SFXN3: variants seen among roughly 807,000 people sequenced by gnomAD.
SFXN3 encodes sideroflexin-3.
SFXN3 carries 31 observed loss-of-function variants against 40.4 expected under a neutral mutation model. The observed-to-expected ratio is 0.77, with a 90% CI of 0.58 to 1.04. SFXN3 has a LOEUF of 1.04. Ranked by LOEUF, SFXN3 falls within the 50% of genes least tolerant of loss-of-function variation. The pLI, the probability that SFXN3 is intolerant of heterozygous loss-of-function variation, is 0.00. For synonymous variants in SFXN3, 157 were observed against 160.0 expected, an observed-to-expected ratio of 0.98 and a Z score of 0.14; for missense variants, 366 against 408.2, an observed-to-expected ratio of 0.90 and a Z score of 0.89.
At chr10:101,038,373 A>T in intron 9 of SFXN3, 1 of 1,374,648 alleles carries the variant, frequency 7.3e-7, no homozygotes, top group Non-Finnish European at 9.4e-7. Context: ...TGAGGGAAGA[A>T]AAAAAAGGGC....
chr10:101,038,436 G>A, intron 9 of SFXN3: 1 of 1,440,302 alleles, frequency 6.9e-7, no homozygotes, highest in Non-Finnish European at 9.1e-7. Flanking sequence ...TGGGATGCCG[G>A]GGAGGGTGAT....
chr10:101,038,470 G>A, intron 9 of SFXN3, 173 bp from the exon 10 acceptor site: 2 of 1,474,216 alleles, frequency 1.4e-6, no homozygotes, highest in African/African-American at 1.4e-5. Flanking sequence ...TGGCTGGAGT[G>A]GAAGGGCGTG....
chr10:101,037,189 C>T (rs570135686), exon 8 of SFXN3: 31 of 1,613,870 alleles, frequency 1.9e-5, no homozygotes, highest in African/African-American at 1.5e-4. Flanking sequence ...ATCTGCATGG[C>T]GATTCCTGCC....
At position 101,036,104 on chromosome 10, in the gene SFXN3, G is replaced by C; in HGVS notation, c.431+3G>C. ...GGTGACACTCCCATCACTGTGAGGTGAGAGCCAGCCCCCAGCAGCAGCTGC... is the reference window on the plus strand; with the variant it reads ...GGTGACACTCCCATCACTGTGAGGTCAGAGCCAGCCCCCAGCAGCAGCTGC... On this transcript the variant is annotated splice_donor_region_variant and intron_variant, in intron 5 of 11. Coordinates refer to ENST00000393459, the Ensembl canonical transcript of SFXN3. This position sits in a 1 kb window ranked among gnomAD's most constrained non-coding sequence, Gnocchi z 4.2. The C allele has an allele frequency of 6.2e-7, 1 of 1,611,780 alleles. No individual in the cohort carries two copies. The highest frequency in any genetic ancestry group is 8.5e-7 in the Non-Finnish European group (1 of 1,178,276).
At chr10:101,035,545 C>T in exon 4 of SFXN3, 1 of 1,613,566 alleles carries the variant, frequency 6.2e-7, no homozygotes, top group Non-Finnish European at 8.5e-7. Context: ...TGTGGAGGGC[C>T]AAGTATGTGT....
chr10:101,039,640 G>A lies in SFXN3; in HGVS notation c.*55G>A. The A allele has an allele frequency of 6.5e-7, 1 of 1,533,002 alleles. No individual in the cohort carries two copies. The allele number at this position is 1,533,002 out of a possible 1,614,324, so 95.0% of individuals were successfully genotyped here. A position where few individuals can be genotyped will look rare whatever the true frequency, so the allele number is the denominator to read the frequency against. On this transcript the variant is annotated 3_prime_UTR_variant, in exon 12 of 12. Coordinates refer to ENST00000393459, the Ensembl canonical transcript of SFXN3. The surrounding 1 kb of genome is among the most constrained non-coding windows in gnomAD (Gnocchi z 4.6). The stretch of plus-strand genomic sequence containing the variant: ...TTCCTTGGGCTGCTGCTTTAGTGGA[G>A]TCATGTCACCCCTACCACTTGGCTA...
At chr10:101,038,882 C>A (rs930458901) in intron 10 of SFXN3, among the ~76,000 whole-genome samples, 190 bp downstream of exon 10, 2 of 152,028 alleles carry the variant, frequency 1.3e-5, no homozygotes, top group African/African-American at 2.4e-5. Flanking sequence ...AGGTCAAGAT[C>A]CTAGTGAGGG....
At chr10:101,033,649 G>A (rs371211894) in intron 2 of SFXN3, among the ~76,000 whole-genome samples, 2 of 152,244 alleles carry the variant, frequency 1.3e-5, no homozygotes, top group East Asian at 1.9e-4. Context: ...TGGGCCCAGG[G>A]GACCGGCGTT....
intron 9 of SFXN3, chr10:101,037,803 GAAAGC>G: frequency 1.8e-6 from 2 of 1,137,006 alleles, no homozygotes; most frequent in Non-Finnish European, 2.2e-6. Context: ...AACAGGACAC[GAAAGC>G]AAAGCACAGG....
exon 3 of SFXN3, chr10:101,034,711 T>C (rs1463769759): frequency 1.2e-6 from 2 of 1,614,092 alleles, no homozygotes; most frequent in African/African-American, 2.7e-5. Flanking sequence ...GAATTGCCTT[T>C]AGACATCAAC....
chr10:101,032,367 C>T, exon 2 of SFXN3: 1 of 1,346,650 alleles, frequency 7.4e-7, no homozygotes, highest in Non-Finnish European at 9.9e-7. Context: ...GCTCCTGCCC[C>T]TCCCTGCTGG....
At position 101,036,516 on chromosome 10, in the gene SFXN3, C is replaced by T. The variant is rs774122902; in HGVS notation, c.462C>T (p.Thr154=). 3 of 1,614,156 alleles carry T rather than the reference C, an allele frequency of 1.9e-6. No homozygotes were observed. Among genetic ancestry groups the T allele is most frequent in the Non-Finnish European group, 2.5e-6 (3 of 1,180,000 alleles). The change falls in exon 6 of 12, where the codon ACC becomes ACT. Residue 154 remains threonine (T), a synonymous_variant. Transcript: ENST00000393459. The surrounding 1 kb of genome is among the most constrained non-coding windows in gnomAD (Gnocchi z 4.2). ...TGGGGACAGCCTATGTGAGTGCCAC[C>T]ACTGGAGCTGTGGCCACGGCCCTGG...
chr10:101,031,865 G>A (rs1316969919), intron 1 of SFXN3, among the ~76,000 whole-genome samples: 1 of 152,142 alleles, frequency 6.6e-6, no homozygotes. Context: ...ACATAGAAGA[G>A]GCACAGGCAC....
chr10:101,035,522 A>G lies in SFXN3; in HGVS notation c.187A>G (p.Thr63Ala), dbSNP rs1244211611. 6 of 1,610,144 alleles carry G rather than the reference A, an allele frequency of 3.7e-6. No individual in the cohort carries two copies. In the African/African-American group the frequency reaches 8.0e-5, roughly 22 times the overall value. The change falls in exon 4 of 12, where the codon ACC becomes GCC. Residue 63 changes from threonine to alanine, a missense_variant. Coordinates refer to ENST00000393459, the Ensembl canonical transcript of SFXN3. Reference sequence around the variant, plus strand: ...GGCCGGCGTGGTGACCCCAGGGATCACCGAGGACCAGCTGTGGAGGGCCAA... The same window carrying G: ...GGCCGGCGTGGTGACCCCAGGGATCGCCGAGGACCAGCTGTGGAGGGCCAA...
At position 101,036,125 on chromosome 10, in the gene SFXN3, G is replaced by C. The variant is rs1031272995; in HGVS notation, c.431+24G>C. The C allele has an allele frequency of 6.3e-7, 1 of 1,583,926 alleles. No individual in the cohort carries two copies. The highest frequency in any genetic ancestry group is 8.7e-7 in the Non-Finnish European group (1 of 1,153,518). ...AGGTGAGAGCCAGCCCCCAGCAGCA[G>C]CTGCACTGTCCCATCTGACCCTCTC... is the stretch of plus-strand genomic sequence containing the variant. On this transcript the variant is annotated intron_variant, in intron 5 of 11. Coordinates refer to ENST00000393459, the Ensembl canonical transcript of SFXN3. The surrounding 1 kb of genome is among the most constrained non-coding windows in gnomAD (Gnocchi z 4.2).
exon 8 of SFXN3, chr10:101,037,171 T>C: frequency 1.9e-6 from 3 of 1,613,886 alleles, no homozygotes; most frequent in Non-Finnish European, 2.5e-6. Context: ...CAGGTGGTGA[T>C]TTCAAGAATC....
At chr10:101,037,783 C>T in intron 9 of SFXN3, 1 of 1,205,164 alleles carries the variant, frequency 8.3e-7, no homozygotes, top group Non-Finnish European at 1.0e-6. Flanking sequence ...AACACGCACA[C>T]ACAGACATGA....
chr10:101,033,468 G>C (rs1420709059), intron 2 of SFXN3, among the ~76,000 whole-genome samples: 1 of 152,126 alleles, frequency 6.6e-6, no homozygotes, highest in Non-Finnish European at 1.5e-5. Context: ...AGTGGCTGCA[G>C]GTCCCTGGGC....
chr10:101,034,814 G>A (rs552734042), exon 3 of SFXN3: 2 of 1,614,114 alleles, frequency 1.2e-6, no homozygotes, highest in Non-Finnish European at 1.7e-6. Context: ...TGCTGTCCGG[G>A]GCACAGCTGG....
Sources: allele counts gnomAD v4.1 joint callset (sites outside exome capture counted in the v4.1 genomes callset), GRCh38; gene constraint gnomAD v4.1.1; non-coding constraint Gnocchi (gnomAD v3.1); transcripts MANE v1.5; gene names NCBI Gene and HGNC (gene_info 2026-07-23, HGNC 2026-07-21).